The following KIAA1549 variants were observed in gnomAD, a reference collection of about 807,000 sequenced individuals.
KIAA1549 encodes UPF0606 protein KIAA1549.
KIAA1549 carries 70 observed loss-of-function variants against 156.4 expected under a neutral mutation model. The observed-to-expected ratio is 0.45, with a 90% confidence interval of 0.37 to 0.55. KIAA1549 has a LOEUF of 0.55. Ranked by LOEUF, KIAA1549 falls within the 20% of genes least tolerant of loss-of-function variation. The pLI is 0.00. For missense variants in KIAA1549, 2,428 were observed against 2,540.9 expected (o/e 0.96, Z 0.96); for synonymous variants, 1,103 against 1,066.4 (o/e 1.03, Z -0.67).
chr7:138,947,115 T>C (rs1813359704), intron 1 of KIAA1549, among the ~76,000 whole-genome samples: 1 of 152,226 alleles, frequency 6.6e-6, no homozygotes, highest in Non-Finnish European at 1.5e-5. Context: ...TCCATTAGTA[T>C]AGAACCACTG....
chr7:138,940,425 T>G (rs1195941024), intron 1 of KIAA1549, among the ~76,000 whole-genome samples: 2 of 149,834 alleles, frequency 1.3e-5, no homozygotes, highest in East Asian at 1.9e-4. Flanking sequence ...TGTTGGACAT[T>G]TGGGTTGGTT....
chr7:138,925,143 C>T (rs1812676940), intron 1 of KIAA1549, among the ~76,000 whole-genome samples: 3 of 152,182 alleles, frequency 2.0e-5, no homozygotes, highest in Non-Finnish European at 2.9e-5. Context: ...GCGCTCCCAC[C>T]ACCAGGCCAC....
At chr7:138,886,432 G>T (rs1282551057) in intron 10 of KIAA1549, among the ~76,000 whole-genome samples, 1 of 151,916 alleles carries the variant, frequency 6.6e-6, no homozygotes, top group Admixed American at 6.6e-5. Flanking sequence ...GTGCCATCAC[G>T]CCTGGCTAAT....
chr7:138,866,661 G>C (rs1003048276), intron 15 of KIAA1549, among the ~76,000 whole-genome samples: 1 of 152,184 alleles, frequency 6.6e-6, no homozygotes, highest in East Asian at 1.9e-4. Context: ...CTTTGTGTCT[G>C]TATTTCTCAT....
At chr7:138,850,778 T>C (rs911855482) in intron 17 of KIAA1549, among the ~76,000 whole-genome samples, 6 of 152,176 alleles carry the variant, frequency 3.9e-5, no homozygotes, top group Non-Finnish European at 8.8e-5. Context: ...CTTTGCTCAC[T>C]CCTATGTCCA....
At chr7:138,976,662 G>T (rs937717603) in intron 1 of KIAA1549, among the ~76,000 whole-genome samples, 2 of 152,196 alleles carry the variant, frequency 1.3e-5, no homozygotes, top group African/African-American at 4.8e-5. Context: ...ACAGACTTCA[G>T]TACTACCCAA....
chr7:138,897,469 AT>A (rs1811714020), intron 9 of KIAA1549, among the ~76,000 whole-genome samples: 1 of 152,158 alleles, frequency 6.6e-6, no homozygotes. Flanking sequence ...TATCTCCTAC[AT>A]GTTCTCCATA....
At chr7:138,972,143 T>C (rs1814238628) in intron 1 of KIAA1549, among the ~76,000 whole-genome samples, 1 of 151,972 alleles carries the variant, frequency 6.6e-6, no homozygotes, top group Non-Finnish European at 1.5e-5. Flanking sequence ...TCTGGGAACT[T>C]TCTTTCACTC....
At position 138,836,584 on chromosome 7, in the gene KIAA1549, C is replaced by A. The variant is rs1584976508; in HGVS notation, c.*1322G>T. On this transcript the variant is annotated 3_prime_UTR_variant, in exon 20 of 20. Transcript: ENST00000422774. ...TGAGTTTCACTCAGGTACCAGAAAA[C>A]AGAACAGCCCTTGCCACTGTTTTCT... 4.6e-6 allele frequency: 1 copy of A among 218,702 alleles called. No individual in the cohort carries two copies. The highest frequency in any genetic ancestry group is 6.8e-5 in the East Asian group (1 of 14,728). 13.5% of individuals were successfully genotyped at this position (218,702 alleles called of 1,614,324 possible).
Position 138,835,964 on chromosome 7 carries a change from C to T in KIAA1549, c.*1942G>A, listed in dbSNP as rs2130314466. 4.7e-6 allele frequency: 1 copy of T among 212,708 alleles called. No homozygotes were observed. Among genetic ancestry groups the T allele is most frequent in the South Asian group, 1.9e-4 (1 of 5,360 alleles). The allele number at this position is 212,708 out of a possible 1,614,324, so 13.2% of individuals were successfully genotyped here. A position where few individuals can be genotyped will look rare whatever the true frequency, so the allele number is the denominator to read the frequency against. On this transcript the variant is annotated 3_prime_UTR_variant, in exon 20 of 20. Transcript: ENST00000422774. ...CTACATCTTACCTTCCCAGAACCAACTTCCCTCATATTGTAAGACTCTAAA... is the reference window on the plus strand; with the variant it reads ...CTACATCTTACCTTCCCAGAACCAATTTCCCTCATATTGTAAGACTCTAAA...
rs116879984 is a variant in KIAA1549, at chr7:138,848,699, G to A, written c.5294+3524C>T. Reference sequence around the variant, plus strand: ...GTGATGTTGGCTTCATAAAATGAACGGAGAAGTGTTCTTTTTCTATTTTTT... The same window carrying A: ...GTGATGTTGGCTTCATAAAATGAACAGAGAAGTGTTCTTTTTCTATTTTTT... On this transcript the variant is annotated intron_variant, in intron 17 of 19. Coordinates refer to ENST00000422774, the MANE Select transcript of KIAA1549 (RefSeq NM_001164665.2). Among the ~76,000 whole-genome samples, 808 of 152,146 alleles carry A rather than the reference G, an allele frequency of 5.3e-3. 3 individuals carry two copies. Among genetic ancestry groups the A allele is most frequent in the Non-Finnish European group, 8.2e-3 (558 of 68,014 alleles).
At chr7:138,886,040 G>A (rs1811382832) in intron 10 of KIAA1549, among the ~76,000 whole-genome samples, 1 of 152,068 alleles carries the variant, frequency 6.6e-6, no homozygotes, top group African/African-American at 2.4e-5. Context: ...TTCGGTCACA[G>A]AAGTCTCCTG....
At chr7:138,869,874 G>C in intron 13 of KIAA1549, 113 bp from the exon 14 acceptor site, 5 of 789,310 alleles carry the variant, frequency 6.3e-6, no homozygotes, top group Non-Finnish European at 9.9e-6. Context: ...ATTTGAGACA[G>C]AGTCTCACTC....
At chr7:138,914,006 AGAAG>A (rs1302416101) in intron 2 of KIAA1549, among the ~76,000 whole-genome samples, 67 of 140,724 alleles carry the variant, frequency 4.8e-4, no homozygotes, top group African/African-American at 1.5e-3. Context: ...GGAGAAGGAA[AGAAG>A]GAAGGAAGGA....
intron 16 of KIAA1549, among the ~76,000 whole-genome samples, chr7:138,859,164 A>T (rs1324052325): frequency 6.6e-6 from 1 of 152,136 alleles, no homozygotes; most frequent in Non-Finnish European, 1.5e-5. Flanking sequence ...TGGCTTGCAG[A>T]CAGTTGCCTG....
intron 1 of KIAA1549, among the ~76,000 whole-genome samples, chr7:138,923,399 G>A (rs879827847): frequency 3.3e-5 from 5 of 152,106 alleles, no homozygotes; most frequent in African/African-American, 4.8e-5. Context: ...TCAGGAGTTC[G>A]AGACCAGCCT....
rs1272896253 is a variant in KIAA1549 at position 138,833,602 on chromosome 7, TA to T, written c.*4303del. ...CCAAATCAAAACACTATGAAATTAA[TA>T]AAATTTGGAGAAAAATGTGTAGGTA... On this transcript the variant is annotated 3_prime_UTR_variant, in exon 20 of 20. Transcript: ENST00000422774. 8.6e-6 allele frequency: 2 copies of T among 232,354 alleles called. No homozygotes were observed. Among genetic ancestry groups the T allele is most frequent in the Non-Finnish European group, 8.5e-6 (1 of 117,574 alleles). 14.4% of individuals were successfully genotyped at this position (232,354 alleles called of 1,614,324 possible).
chr7:138,880,601 C>G (rs976134499), intron 11 of KIAA1549, among the ~76,000 whole-genome samples: 3 of 152,118 alleles, frequency 2.0e-5, no homozygotes, highest in Non-Finnish European at 4.4e-5. Flanking sequence ...ATTTGGCGTT[C>G]CAAAGCTCAA....
intron 1 of KIAA1549, among the ~76,000 whole-genome samples, chr7:138,933,231 G>C (rs1247870636): frequency 6.6e-6 from 1 of 152,224 alleles, no homozygotes; most frequent in African/African-American, 2.4e-5. Flanking sequence ...GAAGTCACTT[G>C]GTTCTGAGAT....
Sources: gnomAD v4.1 joint callset for allele counts (sites outside exome capture counted in the v4.1 genomes callset) on GRCh38, gnomAD v4.1.1 for gene constraint, MANE v1.5 for transcripts, NCBI Gene and HGNC (gene_info 2026-07-23, HGNC 2026-07-21) for gene names.